Variants in CCDC149 observed in about 807,000 individuals in gnomAD.
CCDC149 encodes coiled-coil domain-containing protein 149.
CCDC149 carries 45 observed loss-of-function variants against 59.9 expected under a neutral mutation model. That is an observed-to-expected ratio of 0.75 (90% CI 0.59 to 0.96). The LOEUF (loss-of-function observed/expected upper bound fraction) is 0.96, where lower values mean the gene tolerates loss of function less well. Among genes scored for constraint, CCDC149 ranks in the 40% least tolerant of loss-of-function variants. CCDC149 has a pLI of 0.00. For missense variants in CCDC149, 584 were observed against 664.7 expected (o/e 0.88, Z 1.33); for synonymous variants, 245 against 260.6 (o/e 0.94, Z 0.58).
intron 1 of CCDC149, among the ~76,000 whole-genome samples, chr4:24,929,755 C>T (rs183094369): frequency 6.6e-6 from 1 of 152,298 alleles, no homozygotes; most frequent in African/African-American, 2.4e-5. Flanking sequence ...AGCCCTGCTT[C>T]TGAACTCCTG....
At chr4:24,820,128 C>T in intron 11 of CCDC149, 153 bp from the exon 12 acceptor site, 1 of 605,684 alleles carries the variant, frequency 1.7e-6, no homozygotes, top group Non-Finnish European at 2.9e-6. Flanking sequence ...TCCATACTTC[C>T]TTACACTATT....
At chr4:24,916,117 G>T (rs1164324464), upstream of CCDC149, among the ~76,000 whole-genome samples, 1 of 152,142 alleles carries the variant, frequency 6.6e-6, no homozygotes, top group Non-Finnish European at 1.5e-5. Context: ...CTGTTACAAA[G>T]TATTGAGACG....
At chr4:24,813,490 A>ATATATC (rs1491293785) in intron 12 of CCDC149, among the ~76,000 whole-genome samples, 4 of 1,936 alleles carry the variant, frequency 2.1e-3, no homozygotes, top group African/African-American at 2.3e-3. Flanking sequence ...AGCTTGGGGA[A>ATATATC]TATATATATA....
At chr4:24,972,096 C>A (rs762431146) in intron 1 of CCDC149, among the ~76,000 whole-genome samples, 43 of 152,176 alleles carry the variant, frequency 2.8e-4, no homozygotes, top group Non-Finnish European at 5.1e-4. Context: ...GGCCCAACCA[C>A]CTTGGGCACA....
intron 4 of CCDC149, among the ~76,000 whole-genome samples, chr4:24,842,990 G>A (rs1022663702): frequency 2.6e-5 from 4 of 151,838 alleles, no homozygotes; most frequent in African/African-American, 9.7e-5. Flanking sequence ...TTCTAACCCT[G>A]GTGGGCTACA....
At chr4:24,914,098 C>T (rs1239549369), upstream of CCDC149, among the ~76,000 whole-genome samples, 2 of 151,958 alleles carry the variant, frequency 1.3e-5, no homozygotes, top group East Asian at 3.9e-4. Context: ...CTGGATCAAC[C>T]CTGTGAAATG....
chr4:24,842,326 G>A (rs1481738196), intron 4 of CCDC149, among the ~76,000 whole-genome samples: 2 of 152,272 alleles, frequency 1.3e-5, no homozygotes, highest in Non-Finnish European at 1.5e-5. Context: ...AGCCCACGAG[G>A]GAAGTCCCAC....
At chr4:24,978,977 G>T (rs2109376650) in intron 1 of CCDC149, among the ~76,000 whole-genome samples, 1 of 152,298 alleles carries the variant, frequency 6.6e-6, no homozygotes. Context: ...ACCCCGAAAA[G>T]GAGACCCTGA....
At chr4:24,906,765 A>G (rs910826738) in intron 1 of CCDC149, among the ~76,000 whole-genome samples, 7 of 152,174 alleles carry the variant, frequency 4.6e-5, no homozygotes, top group Non-Finnish European at 8.8e-5. Context: ...TGCCCAGAAC[A>G]GTGAAAAGCA....
chr4:24,840,283 G>C (rs757545283), intron 4 of CCDC149, among the ~76,000 whole-genome samples: 1 of 152,194 alleles, frequency 6.6e-6, no homozygotes, highest in Non-Finnish European at 1.5e-5. Flanking sequence ...AGGTGGAACA[G>C]ACCGTGCAAA....
intron 3 of CCDC149, among the ~76,000 whole-genome samples, chr4:24,864,197 TA>T (rs1317665626): frequency 6.6e-5 from 10 of 152,212 alleles, no homozygotes; most frequent in African/African-American, 2.4e-4. Context: ...CTTGTAAAAC[TA>T]ATGAAAATCC....
At chr4:24,951,033 G>A (rs564354817) in intron 1 of CCDC149, among the ~76,000 whole-genome samples, 1 of 152,362 alleles carries the variant, frequency 6.6e-6, no homozygotes, top group East Asian at 1.9e-4. Context: ...AAAAGCAGGT[G>A]TTGTCAAGCT....
chr4:24,862,380 C>T (rs61792823), intron 3 of CCDC149, among the ~76,000 whole-genome samples: 1,713 of 152,300 alleles, frequency 0.011, 12 homozygotes, highest in Non-Finnish European at 0.014. Context: ...CCAGCCGTGG[C>T]GGCCAGAAGT....
chr4:24,826,420 G>A (rs1339431078), intron 9 of CCDC149, among the ~76,000 whole-genome samples: 1 of 152,186 alleles, frequency 6.6e-6, no homozygotes, highest in African/African-American at 2.4e-5. Context: ...CCAAGCCAGT[G>A]GGGATGCAGG....
chr4:24,947,027 G>C (rs1723130597), intron 1 of CCDC149, among the ~76,000 whole-genome samples: 1 of 152,154 alleles, frequency 6.6e-6, no homozygotes, highest in African/African-American at 2.4e-5. Flanking sequence ...CAGGAAAACA[G>C]GTTCCTGTGC....
chr4:24,943,821 A>T (rs2109350156), intron 1 of CCDC149, among the ~76,000 whole-genome samples: 1 of 152,382 alleles, frequency 6.6e-6, no homozygotes, highest in East Asian at 1.9e-4. Flanking sequence ...AATGCTCATC[A>T]TCACTGGCCA....
intron 9 of CCDC149, among the ~76,000 whole-genome samples, chr4:24,825,415 A>C (rs994937044): frequency 8.5e-5 from 13 of 152,156 alleles, no homozygotes; most frequent in African/African-American, 3.1e-4. Flanking sequence ...TGAGACTCAG[A>C]AAGGTCACTT....
At chr4:24,943,880 G>T (rs1221917971) in intron 1 of CCDC149, among the ~76,000 whole-genome samples, 1 of 151,912 alleles carries the variant, frequency 6.6e-6, no homozygotes, top group Admixed American at 6.6e-5. Flanking sequence ...TTAGAATGGT[G>T]ATCATTAAAA....
chr4:24,934,169 T>G (rs1722668819), intron 1 of CCDC149, among the ~76,000 whole-genome samples: 2 of 152,224 alleles, frequency 1.3e-5, no homozygotes, highest in South Asian at 4.1e-4. Flanking sequence ...AAACCTCATC[T>G]TGAATTGTAG....
Sources: allele counts gnomAD v4.1 joint callset (sites outside exome capture counted in the v4.1 genomes callset), GRCh38; gene constraint gnomAD v4.1.1; transcripts MANE v1.5; gene names NCBI Gene and HGNC (gene_info 2026-07-23, HGNC 2026-07-21).